DYM: variants seen among roughly 807,000 people sequenced by gnomAD.
DYM encodes dyggve-Melchior-Clausen syndrome protein.
DYM carries 78 observed loss-of-function variants against 93.1 expected under a neutral mutation model. The ratio of observed to expected loss-of-function variants is 0.84; its 90% CI spans 0.70 to 1.01. The LOEUF is 1.01. Among genes scored for constraint, DYM ranks in the 50% least tolerant of loss-of-function variants. The pLI is 0.00. For missense variants in DYM, 789 were observed against 845.0 expected, an observed-to-expected ratio of 0.93 and a Z score of 0.82; for synonymous variants, 321 against 319.7, an observed-to-expected ratio of 1.00 and a Z score of -0.04.
intron 5 of DYM, among the ~76,000 whole-genome samples, chr18:49,370,270 C>G (rs1397522342): frequency 2.1e-5 from 3 of 142,654 alleles, no homozygotes; most frequent in Non-Finnish European, 4.5e-5. Flanking sequence ...AAGAGCGAAA[C>G]TCCATCTCAG....
intron 17 of DYM, among the ~76,000 whole-genome samples, chr18:49,044,740 T>C (rs780034166): frequency 8.5e-5 from 13 of 152,230 alleles, no homozygotes; most frequent in African/African-American, 3.1e-4. Context: ...TTCTTGGCCA[T>C]AGCTTGGCCT....
In DYM at chr18:49,318,995, C is replaced by T. The variant is rs368159662; in HGVS notation, c.763+12869G>A. On this transcript the variant is annotated intron_variant, in intron 8 of 17. Coordinates refer to ENST00000675505, the MANE Select transcript of DYM (RefSeq NM_001353214.3). Reference sequence around the variant, plus strand: ...TTTTTTTTTGTATTTGTAGTAGAGACGGGGTTTCACCATCTTGGCCAGGCT... The same window carrying T: ...TTTTTTTTTGTATTTGTAGTAGAGATGGGGTTTCACCATCTTGGCCAGGCT... Among the ~76,000 whole-genome samples the T allele has an allele frequency of 3.5e-3, 530 of 151,566 alleles. 4 individuals carry two copies. The highest frequency in any genetic ancestry group is 0.012 in the African/African-American group (485 of 41,376).
At chr18:49,161,555 C>T (rs566799891) in intron 15 of DYM, among the ~76,000 whole-genome samples, 19 of 152,184 alleles carry the variant, frequency 1.2e-4, no homozygotes, top group South Asian at 6.2e-4. Context: ...ACCCTGGCCC[C>T]GATAGGGTTT....
intron 17 of DYM, among the ~76,000 whole-genome samples, chr18:49,050,506 G>A (rs1184315301): frequency 6.6e-6 from 1 of 152,098 alleles, no homozygotes. Context: ...TGACCTAGGT[G>A]TTTACCATCT....
intron 15 of DYM, among the ~76,000 whole-genome samples, chr18:49,160,465 G>T: frequency 6.6e-6 from 1 of 151,518 alleles, no homozygotes; most frequent in African/African-American, 2.4e-5. Flanking sequence ...AGTACTCTAT[G>T]TACTACAGTG....
intron 13 of DYM, among the ~76,000 whole-genome samples, chr18:49,243,073 C>T (rs150640477): frequency 1.3e-5 from 2 of 152,142 alleles, no homozygotes; most frequent in Admixed American, 6.5e-5. Flanking sequence ...GCTGCCTCCT[C>T]GCTACTTTAA....
At chr18:49,455,754 C>G (rs560729715) in intron 1 of DYM, among the ~76,000 whole-genome samples, 1 of 152,184 alleles carries the variant, frequency 6.6e-6, no homozygotes, top group Admixed American at 6.5e-5. Context: ...GAGTTCGAGA[C>G]AGCCTGGGCA....
intron 2 of DYM, among the ~76,000 whole-genome samples, chr18:49,419,297 C>T (rs950619569): frequency 4.6e-5 from 7 of 151,766 alleles, no homozygotes; most frequent in African/African-American, 7.3e-5. Flanking sequence ...AGGCGGAGGT[C>T]GCAGTGAGCT....
chr18:49,049,142 T>C (rs762033830), intron 17 of DYM, among the ~76,000 whole-genome samples: 3 of 152,210 alleles, frequency 2.0e-5, no homozygotes, highest in East Asian at 3.8e-4. Flanking sequence ...AAGTTCTCCA[T>C]AAAAATAATA....
chr18:49,191,513 A>G lies in DYM; in HGVS notation c.1625+18038T>C, dbSNP rs186385991. Among the ~76,000 whole-genome samples the G allele has an allele frequency of 4.4e-3, 664 of 152,292 alleles. 2 individuals carry two copies. Among genetic ancestry groups the G allele is most frequent in the Non-Finnish European group, 6.1e-3 (413 of 68,014 alleles). Reference sequence around the variant, plus strand: ...ACAACACCATGAAATTTTTATAAGGATTAGTAGCTTTGGAAAACAAGGACA... The same window carrying G: ...ACAACACCATGAAATTTTTATAAGGGTTAGTAGCTTTGGAAAACAAGGACA... On this transcript the variant is annotated intron_variant, in intron 14 of 17. Coordinates refer to ENST00000675505, the MANE Select transcript of DYM (RefSeq NM_001353214.3).
rs557142393 is a variant in DYM, at chr18:49,336,690, C to T, written c.495-2837G>A. Among the ~76,000 whole-genome samples, 113 of 152,292 alleles carry T rather than the reference C, an allele frequency of 7.4e-4. 2 individuals are homozygous for T. The highest frequency in any genetic ancestry group is 2.7e-3 in the African/African-American group (112 of 41,542). ...CTATCTCTAGACAGGCATTATGCTACATATTGGGGACATATCCATCAACAA... is the reference window on the plus strand; with the variant it reads ...CTATCTCTAGACAGGCATTATGCTATATATTGGGGACATATCCATCAACAA... On this transcript the variant is annotated intron_variant, in intron 6 of 17. Transcript: ENST00000675505.
At chr18:49,214,091 C>T (rs1210610283) in intron 13 of DYM, among the ~76,000 whole-genome samples, 4 of 152,150 alleles carry the variant, frequency 2.6e-5, no homozygotes, top group Admixed American at 2.0e-4. Context: ...TGTACCAACA[C>T]GAAATGCTTG....
intron 16 of DYM, among the ~76,000 whole-genome samples, chr18:49,117,932 C>T (rs559284607): frequency 1.7e-4 from 26 of 150,294 alleles, no homozygotes; most frequent in African/African-American, 5.4e-4. Context: ...CTCCCGACCT[C>T]GTGATCTGCC....
At chr18:49,391,978 T>C (rs1239738100) in intron 2 of DYM, among the ~76,000 whole-genome samples, 3 of 152,260 alleles carry the variant, frequency 2.0e-5, no homozygotes, top group African/African-American at 7.2e-5. Context: ...TGCCCAATTC[T>C]AAAGGCAGTA....
At chr18:49,406,608 T>C (rs1234691515) in intron 2 of DYM, among the ~76,000 whole-genome samples, 1 of 152,260 alleles carries the variant, frequency 6.6e-6, no homozygotes, top group African/African-American at 2.4e-5. Flanking sequence ...CTTTTTATTA[T>C]TGTAAAAATG....
At chr18:49,160,293 A>G (rs927908596) in intron 15 of DYM, among the ~76,000 whole-genome samples, 2 of 152,288 alleles carry the variant, frequency 1.3e-5, no homozygotes, top group Admixed American at 6.5e-5. Flanking sequence ...AGGTTTCCCT[A>G]GAGATGTTCA....
chr18:49,141,016 C>G (rs1416064989), intron 15 of DYM, among the ~76,000 whole-genome samples: 1 of 152,196 alleles, frequency 6.6e-6, no homozygotes, highest in Non-Finnish European at 1.5e-5. Context: ...CTACCTGACA[C>G]CACGCTCTTG....
At chr18:49,347,995 A>T (rs1447196069) in intron 6 of DYM, among the ~76,000 whole-genome samples, 1 of 152,186 alleles carries the variant, frequency 6.6e-6, no homozygotes, top group Non-Finnish European at 1.5e-5. Context: ...CCTAGAACAA[A>T]CCACTGCTGG....
At chr18:49,275,354 C>A (rs1423262711) in intron 10 of DYM, among the ~76,000 whole-genome samples, 1 of 152,172 alleles carries the variant, frequency 6.6e-6, no homozygotes, top group Non-Finnish European at 1.5e-5. Flanking sequence ...CAGTACCACA[C>A]TGTATTGATT....
Sources: allele counts gnomAD v4.1 joint callset (sites outside exome capture counted in the v4.1 genomes callset), GRCh38; gene constraint gnomAD v4.1.1; transcripts MANE v1.5; gene names NCBI Gene and HGNC (gene_info 2026-07-23, HGNC 2026-07-21).